The following UGT1A10 variants were observed in gnomAD, a reference collection of about 807,000 sequenced individuals.
UGT1A10 encodes the protein UDP glucuronosyltransferase family 1 member A10.
Under a neutral mutation model 45.8 loss-of-function variants are expected in UGT1A10, and 49 were observed. The ratio of observed to expected loss-of-function variants is 1.07; its 90% CI spans 0.85 to 1.36. The LOEUF is 1.36. UGT1A10 is among the 40% of genes most tolerant of loss of function. UGT1A10 has a pLI of 0.00. For synonymous variants in UGT1A10, 284 were observed against 249.7 expected, an observed-to-expected ratio of 1.14 and a Z score of -1.29; for missense variants, 745 against 668.6, an observed-to-expected ratio of 1.11 and a Z score of -1.26.
At chr2:233,719,330 GT>G (rs780658532) in intron 1 of UGT1A10, 4 of 1,613,748 alleles carry the variant, frequency 2.5e-6, no homozygotes, top group Non-Finnish European at 3.4e-6. Flanking sequence ...TTCCTGCTGT[GT>G]TTTTTTGGAG....
chr2:233,679,129 G>T (rs1309851382), intron 1 of UGT1A10, among the ~76,000 whole-genome samples: 1 of 152,168 alleles, frequency 6.6e-6, no homozygotes, highest in Non-Finnish European at 1.5e-5. Context: ...TAAGACACCT[G>T]ATTGAGAGAC....
chr2:233,720,853 G>GT (rs1012802434), intron 1 of UGT1A10, among the ~76,000 whole-genome samples: 2 of 150,286 alleles, frequency 1.3e-5, no homozygotes, highest in Admixed American at 6.6e-5. Flanking sequence ...CTGCAGGCAT[G>GT]TGCCACTGCT....
intron 1 of UGT1A10, among the ~76,000 whole-genome samples, chr2:233,751,264 C>T (rs796592770): frequency 6.6e-6 from 1 of 151,872 alleles, no homozygotes; most frequent in East Asian, 1.9e-4. Context: ...CTGTAGCCCC[C>T]TTTTTTTGGC....
intron 1 of UGT1A10, chr2:233,747,317 C>G (rs1693621647): frequency 6.2e-7 from 1 of 1,603,094 alleles, no homozygotes; most frequent in African/African-American, 1.3e-5. Context: ...CTGGTGGTAC[C>G]CATTGATGGC....
intron 1 of UGT1A10, chr2:233,721,987 C>T (rs1035516848): frequency 1.5e-5 from 4 of 261,572 alleles, no homozygotes; most frequent in Non-Finnish European, 2.3e-5. Flanking sequence ...GGTAGTTTCA[C>T]GAATGTCCTT....
At chr2:233,723,515 T>C (rs1475684057) in intron 1 of UGT1A10, among the ~76,000 whole-genome samples, 1,226 of 106,738 alleles carry the variant, frequency 0.011, 61 homozygotes, top group African/African-American at 0.052. Flanking sequence ...TGGTCAACAA[T>C]CTTTTTTTTT....
chr2:233,743,851 C>T (rs375874968), intron 1 of UGT1A10: 40 of 1,367,126 alleles, frequency 2.9e-5, no homozygotes, highest in African/African-American at 2.2e-4. Flanking sequence ...GCTTGCGGTA[C>T]GCCTTCTTGA....
intron 1 of UGT1A10, among the ~76,000 whole-genome samples, chr2:233,655,776 A>G (rs1297759622): frequency 2.6e-5 from 4 of 152,128 alleles, no homozygotes; most frequent in Non-Finnish European, 5.9e-5. Flanking sequence ...TGCAAGAGCA[A>G]TGCTAAGTGG....
chr2:233,753,656 A>G (rs554176629), intron 1 of UGT1A10: 2 of 152,198 alleles, frequency 1.3e-5, no homozygotes, highest in Non-Finnish European at 2.9e-5. Flanking sequence ...TACTTTCTCA[A>G]TTGTGTGTAT....
chr2:233,699,893 G>A lies in UGT1A10; in HGVS notation c.855+62516G>A, dbSNP rs193246274. Among the ~76,000 whole-genome samples the A allele has an allele frequency of 5.3e-5, 8 of 152,302 alleles. No homozygotes were observed. The East Asian group carries it at 1.5e-3, about 29-fold the overall frequency. On this transcript the variant is annotated intron_variant, in intron 1 of 4. Coordinates refer to ENST00000344644, the MANE Select transcript of UGT1A10 (RefSeq NM_019075.4). Reference sequence around the variant, plus strand: ...TTTTTGGTGTTGCAATTGGAGAGGCGAAATAGTCAGTAGGATATACGTAGA... The same window carrying A: ...TTTTTGGTGTTGCAATTGGAGAGGCAAAATAGTCAGTAGGATATACGTAGA...
chr2:233,667,514 A>C (rs1048032117), intron 1 of UGT1A10, among the ~76,000 whole-genome samples: 10 of 152,186 alleles, frequency 6.6e-5, no homozygotes, highest in African/African-American at 2.4e-4. Flanking sequence ...GTGGCAACAA[A>C]AGCCAAAATT....
rs150697955 is a variant in UGT1A10 at position 233,712,999 on chromosome 2, C to G, written c.856-54035C>G. On this transcript the variant is annotated intron_variant, in intron 1 of 4. Transcript: ENST00000344644. The stretch of plus-strand genomic sequence containing the variant: ...TCGGTGGCTTCTGCTGAGATGGCCA[C>G]AGGACTCCAGGTTCCCCTGCCGCAG... 763 of 1,613,480 alleles carry G rather than the reference C, an allele frequency of 4.7e-4. 15 individuals are homozygous for G. In the South Asian group the frequency reaches 7.3e-3, roughly 15 times the overall value.
intron 1 of UGT1A10, among the ~76,000 whole-genome samples, chr2:233,664,424 G>A (rs555012669): frequency 5.3e-4 from 81 of 152,102 alleles, no homozygotes; most frequent in African/African-American, 1.8e-3. Flanking sequence ...CCTTCATTAC[G>A]TTGCCATAAA....
At chr2:233,718,827 A>T (rs1411325211) in intron 1 of UGT1A10, 1 of 1,613,418 alleles carries the variant, frequency 6.2e-7, no homozygotes, top group Non-Finnish European at 8.5e-7. Context: ...TGAGATGGCC[A>T]GAGGACTCCA....
chr2:233,718,935 A>G, intron 1 of UGT1A10: 1 of 1,614,132 alleles, frequency 6.2e-7, no homozygotes, highest in South Asian at 1.1e-5. Context: ...CACTGATGGC[A>G]GCCCCTGGCT....
intron 1 of UGT1A10, chr2:233,729,276 G>A (rs765243640): frequency 3.1e-6 from 5 of 1,614,232 alleles, no homozygotes; most frequent in Admixed American, 3.3e-5. Context: ...TCTTGCGGGA[G>A]CTCCATGCCA....
In UGT1A10 at chr2:233,719,006, C is replaced by T. The variant is rs899895461; in HGVS notation, c.856-48028C>T. On this transcript the variant is annotated intron_variant, in intron 1 of 4. Transcript: ENST00000344644. ...GAGGCCACCAGGCGGTGGTCCTCACCCCAGAGGTGAATATGCACATCAAAG... is the reference window on the plus strand; with the variant it reads ...GAGGCCACCAGGCGGTGGTCCTCACTCCAGAGGTGAATATGCACATCAAAG... The T allele has an allele frequency of 1.9e-6, 3 of 1,614,196 alleles. No individual in the cohort carries two copies. The East Asian group carries it at 6.7e-5, about 36-fold the overall frequency.
At position 233,637,143 on chromosome 2, in the gene UGT1A10, A is replaced by G. The variant is rs374507857; in HGVS notation, c.621A>G (p.Val207=). The part of the protein sequence containing the change: ...FSDAMTFKER[V]WNHIVHLEDH... ...ATGCCATGACTTTCAAGGAGAGAGT[A>G]TGGAACCACATCGTGCACTTGGAGG... Residue 207 remains valine, a synonymous_variant, in exon 1 of 5, where the codon GTA becomes GTG. Coordinates refer to ENST00000344644, the MANE Select transcript of UGT1A10 (RefSeq NM_019075.4). 1.9e-6 allele frequency: 3 copies of G among 1,613,974 alleles called. No individual in the cohort carries two copies. The highest frequency in any genetic ancestry group is 2.5e-6 in the Non-Finnish European group (3 of 1,179,870).
intron 1 of UGT1A10, chr2:233,718,070 C>G (rs2076625886): frequency 2.9e-6 from 1 of 346,404 alleles, no homozygotes; most frequent in Non-Finnish European, 5.7e-6. Flanking sequence ...TGGGTCCTTG[C>G]TAGGGTTGTC....
Sources: gnomAD v4.1 joint callset for allele counts (sites outside exome capture counted in the v4.1 genomes callset) on GRCh38, gnomAD v4.1.1 for gene constraint, MANE v1.5 for transcripts, NCBI Gene and HGNC (gene_info 2026-07-23, HGNC 2026-07-21) for gene names.